Variants in ATXN1 observed in about 807,000 individuals in gnomAD.
ATXN1 encodes ataxin 1.
A neutral mutation model predicts 56.4 loss-of-function variants in ATXN1; 8 were observed. The ratio of observed to expected loss-of-function variants is 0.14; its 90% CI spans 0.08 to 0.26. ATXN1 has a LOEUF of 0.26. Ranked by LOEUF, ATXN1 falls within the 10% of genes least tolerant of loss-of-function variation. The pLI, the probability that ATXN1 is intolerant of heterozygous loss-of-function variation, is 1.00. For synonymous variants in ATXN1, 514 were observed against 494.6 expected (o/e 1.04, Z -0.52); for missense variants, 987 against 1,106.5 (o/e 0.89, Z 1.53).
In ATXN1 at chr6:16,313,923, C is replaced by G. The variant is rs548844325; in HGVS notation, c.1918-7064G>C. 1.1e-3 allele frequency among the ~76,000 whole-genome samples: 167 copies of G among 152,288 alleles called. 2 individuals are homozygous for G. Among genetic ancestry groups the G allele is most frequent in the African/African-American group, 3.7e-3 (152 of 41,566 alleles). The stretch of plus-strand genomic sequence containing the variant: ...TTGGGAGATTCTTCTTTAATCACTT[C>G]AAAGGCTTCTCTTTGTTTCTTTTTG... On this transcript the variant is annotated intron_variant, in intron 7 of 7. Coordinates refer to ENST00000436367, the MANE Select transcript of ATXN1 (RefSeq NM_001128164.2).
chr6:16,642,093 A>C (rs1281211300), intron 3 of ATXN1, among the ~76,000 whole-genome samples: 2 of 152,170 alleles, frequency 1.3e-5, no homozygotes, highest in African/African-American at 4.8e-5. Context: ...AGGAGCAAAG[A>C]AAGTGGTTTC....
At chr6:16,694,270 A>ATTG (rs1759112289) in intron 2 of ATXN1, among the ~76,000 whole-genome samples, 22 of 141,290 alleles carry the variant, frequency 1.6e-4, no homozygotes, top group South Asian at 4.5e-4. Context: ...TTTTTTTTTA[A>ATTG]GAGACGGAGT....
At chr6:16,348,544 C>T (rs1182408644) in intron 6 of ATXN1, among the ~76,000 whole-genome samples, 7 of 151,624 alleles carry the variant, frequency 4.6e-5, no homozygotes, top group Non-Finnish European at 8.8e-5. Context: ...ACTAAAAATA[C>T]AAAAAAAATT....
At chr6:16,710,897 T>G (rs1480965155) in intron 2 of ATXN1, among the ~76,000 whole-genome samples, 1 of 151,940 alleles carries the variant, frequency 6.6e-6, no homozygotes, top group Non-Finnish European at 1.5e-5. Flanking sequence ...CTATTATTAT[T>G]ATTTTTAATA....
intron 5 of ATXN1, among the ~76,000 whole-genome samples, chr6:16,520,078 G>A (rs1371135749): frequency 6.6e-6 from 1 of 152,148 alleles, no homozygotes; most frequent in Non-Finnish European, 1.5e-5. Flanking sequence ...TTGCCACCTG[G>A]CCTCTAGCAA....
chr6:16,429,525 C>T (rs1340829407), intron 6 of ATXN1, among the ~76,000 whole-genome samples: 2 of 146,168 alleles, frequency 1.4e-5, no homozygotes, highest in African/African-American at 5.1e-5. Flanking sequence ...TCAAGTGATT[C>T]TCATGCCTTA....
chr6:16,487,791 T>A (rs77204851), intron 5 of ATXN1, among the ~76,000 whole-genome samples: 1 of 152,316 alleles, frequency 6.6e-6, no homozygotes, highest in Non-Finnish European at 1.5e-5. Context: ...TTTGTAGTCA[T>A]GATGGGGGTA....
chr6:16,324,014 T>C lies in ATXN1; in HGVS notation c.1917+2380A>G, dbSNP rs534378705. Among the ~76,000 whole-genome samples, 5 of 152,240 alleles carry C rather than the reference T, an allele frequency of 3.3e-5. No homozygotes were observed. In the South Asian group the frequency reaches 1.0e-3, roughly 32 times the overall value. On this transcript the variant is annotated intron_variant, in intron 7 of 7. Transcript: ENST00000436367. ...GTAAACCTACAGTGACATCTCATAA[T>C]ACAAAGAAAAGTATTCAGGGCTAAA...
At chr6:16,474,508 C>A (rs1478391743) in intron 6 of ATXN1, among the ~76,000 whole-genome samples, 2 of 152,220 alleles carry the variant, frequency 1.3e-5, no homozygotes, top group East Asian at 3.8e-4. Context: ...CAAGCTGGCC[C>A]AGACTAAAAT....
chr6:16,495,267 C>T (rs1760756598), intron 5 of ATXN1, among the ~76,000 whole-genome samples: 1 of 152,162 alleles, frequency 6.6e-6, no homozygotes, highest in Non-Finnish European at 1.5e-5. Flanking sequence ...TAAATATTTT[C>T]CTCTCATTCT....
rs1177230984 is a variant in ATXN1, at chr6:16,304,597, G to T, written c.*1732C>A. On this transcript the variant is annotated 3_prime_UTR_variant, in exon 8 of 8. Coordinates refer to ENST00000436367, the MANE Select transcript of ATXN1 (RefSeq NM_001128164.2). ...GTTTCTAAGAGCCCGCTAAGACCTG[G>T]CTTTTTGTGACAGATGTGGTAAAAA... 3.9e-5 allele frequency: 6 copies of T among 152,552 alleles called. No individual in the cohort carries two copies. Among genetic ancestry groups the T allele is most frequent in the Non-Finnish European group, 1.5e-5 (1 of 68,008 alleles). 9.4% of individuals were successfully genotyped at this position (152,552 alleles called of 1,614,324 possible).
intron 6 of ATXN1, among the ~76,000 whole-genome samples, chr6:16,483,200 G>A (rs1365798548): frequency 2.6e-5 from 4 of 152,026 alleles, no homozygotes; most frequent in Non-Finnish European, 5.9e-5. Flanking sequence ...GGCAAGTGGT[G>A]GCAGATTTGA....
chr6:16,467,814 T>TA (rs1760137487), intron 6 of ATXN1, among the ~76,000 whole-genome samples: 2 of 152,214 alleles, frequency 1.3e-5, no homozygotes, highest in Admixed American at 6.5e-5. Flanking sequence ...TATTGCCTGT[T>TA]AACAACCCTG....
chr6:16,712,715 C>CTTTTTTTTT (rs36016138), intron 2 of ATXN1, among the ~76,000 whole-genome samples: 1 of 145,382 alleles, frequency 6.9e-6, no homozygotes, highest in Non-Finnish European at 1.5e-5. Context: ...TCCGTTTTTG[C>CTTTTTTTTT]TTTTTTTTTT....
chr6:16,696,027 A>G (rs1346001375), intron 2 of ATXN1, among the ~76,000 whole-genome samples: 1 of 152,208 alleles, frequency 6.6e-6, no homozygotes, highest in African/African-American at 2.4e-5. Context: ...ATGATAACAT[A>G]TAAATATCAC....
At chr6:16,462,273 C>T (rs923491559) in intron 6 of ATXN1, among the ~76,000 whole-genome samples, 7 of 152,118 alleles carry the variant, frequency 4.6e-5, no homozygotes, top group African/African-American at 1.7e-4. Flanking sequence ...AAACTTTGGA[C>T]ACCCCCTGAA....
intron 6 of ATXN1, among the ~76,000 whole-genome samples, chr6:16,478,627 T>C (rs913883388): frequency 6.6e-6 from 1 of 152,188 alleles, no homozygotes; most frequent in African/African-American, 2.4e-5. Context: ...TTCTGCAGGG[T>C]GAGTTTTACA....
chr6:16,359,258 C>T (rs1427535097), intron 6 of ATXN1, among the ~76,000 whole-genome samples: 2 of 152,178 alleles, frequency 1.3e-5, no homozygotes, highest in Non-Finnish European at 2.9e-5. Context: ...GGGGGCCGGG[C>T]TGCCAGTCCT....
chr6:16,490,149 A>C (rs1416657262), intron 5 of ATXN1, among the ~76,000 whole-genome samples: 1 of 151,714 alleles, frequency 6.6e-6, no homozygotes, highest in Non-Finnish European at 1.5e-5. Context: ...AAAAAAAAAA[A>C]AACCAAAAAC....
Sources: allele counts gnomAD v4.1 joint callset (sites outside exome capture counted in the v4.1 genomes callset), GRCh38; gene constraint gnomAD v4.1.1; transcripts MANE v1.5; gene names NCBI Gene and HGNC (gene_info 2026-07-23, HGNC 2026-07-21).